The following SNTG2 variants were observed in gnomAD, a reference collection of about 807,000 sequenced individuals.
SNTG2 encodes gamma-2-syntrophin.
A neutral mutation model predicts 70.9 loss-of-function variants in SNTG2; 74 were observed. The ratio of observed to expected loss-of-function variants is 1.04; its 90% CI spans 0.86 to 1.27. The LOEUF is 1.27. Ranked by LOEUF, SNTG2 falls within the 50% of genes most tolerant of loss-of-function variation. The probability of loss-of-function intolerance (pLI) is 0.00; values close to 1 mark genes in which losing one functional copy is unlikely to be tolerated. For synonymous variants in SNTG2, 278 were observed against 273.8 expected (o/e 1.02, Z -0.15); for missense variants, 717 against 690.7 (o/e 1.04, Z -0.43).
At chr2:1,028,148 C>T (rs947148376) in intron 1 of SNTG2, among the ~76,000 whole-genome samples, 6 of 150,984 alleles carry the variant, frequency 4.0e-5, no homozygotes, top group African/African-American at 9.8e-5. Context: ...GCAGGTGCAT[C>T]ACTGAAGGTG....
intron 4 of SNTG2, among the ~76,000 whole-genome samples, chr2:1,123,211 A>G (rs184887330): frequency 6.6e-6 from 1 of 152,326 alleles, no homozygotes; most frequent in African/African-American, 2.4e-5. Flanking sequence ...AAACAGAAAA[A>G]ACAATTCAAA....
intron 9 of SNTG2, among the ~76,000 whole-genome samples, chr2:1,235,764 T>A (rs58554697): frequency 0.22 from 33,371 of 152,002 alleles, 5,810 homozygotes; most frequent in African/African-American, 0.48. Context: ...CCCCAGGCCT[T>A]TGGAGAAGAA....
intron 14 of SNTG2, among the ~76,000 whole-genome samples, chr2:1,294,840 C>T (rs1680134843): frequency 6.6e-6 from 1 of 152,202 alleles, no homozygotes; most frequent in African/African-American, 2.4e-5. Flanking sequence ...TTATAAATAA[C>T]ACAGTGTCTG....
At chr2:1,295,572 G>A (rs1238873624) in intron 14 of SNTG2, among the ~76,000 whole-genome samples, 7 of 152,348 alleles carry the variant, frequency 4.6e-5, no homozygotes, top group African/African-American at 1.7e-4. Context: ...AGTCTCCAAT[G>A]TTTGGGTGGG....
At chr2:1,159,113 TTC>T (rs66470757) in intron 6 of SNTG2, among the ~76,000 whole-genome samples, 93,506 of 133,840 alleles carry the variant, frequency 0.7, 31,856 homozygotes, top group Non-Finnish European at 0.81. Context: ...TACCTGTGTG[TTC>T]GTGTGTGTGT....
chr2:1,143,885 A>AC (rs72370046), intron 6 of SNTG2, among the ~76,000 whole-genome samples: 26,164 of 140,528 alleles, frequency 0.19, 2,442 homozygotes, highest in Non-Finnish European at 0.21. Context: ...ACAACAAACA[A>AC]CCCCCCCCCA....
At chr2:1,045,541 A>C (rs889586672) in intron 1 of SNTG2, among the ~76,000 whole-genome samples, 1 of 151,898 alleles carries the variant, frequency 6.6e-6, no homozygotes, top group Non-Finnish European at 1.5e-5. Flanking sequence ...TCCTCTTCAC[A>C]CTGCTTTAGC....
chr2:966,830 T>C (rs1164980630), intron 1 of SNTG2, among the ~76,000 whole-genome samples: 2 of 151,842 alleles, frequency 1.3e-5, no homozygotes, highest in Non-Finnish European at 2.9e-5. Flanking sequence ...GCCTGTAATC[T>C]CAGCTACTCA....
In SNTG2 at chr2:1,093,128, G is replaced by A. The variant is rs374340841; in HGVS notation, c.211-5068G>A. Among the ~76,000 whole-genome samples, 20 of 152,272 alleles carry A rather than the reference G, an allele frequency of 1.3e-4. No homozygotes were observed. The East Asian group carries it at 3.7e-3, about 28-fold the overall frequency. ...GAGGAGGCCGTGATTATGGGGGAAC[G>A]CATGGAATAGGGGAGTCAGGCCATA... On this transcript the variant is annotated intron_variant, in intron 2 of 16. Transcript: ENST00000308624.
chr2:1,360,422 C>T (rs1661073877), intron 16 of SNTG2, among the ~76,000 whole-genome samples: 2 of 152,168 alleles, frequency 1.3e-5, no homozygotes, highest in African/African-American at 4.8e-5. Context: ...AGAGCTCTCT[C>T]TGGGGTGTGT....
chr2:1,181,663 A>G (rs751244706), intron 8 of SNTG2, among the ~76,000 whole-genome samples: 7 of 151,956 alleles, frequency 4.6e-5, no homozygotes, highest in Admixed American at 3.9e-4. Flanking sequence ...TACCTTATAT[A>G]TTTGACAGTT....
intron 1 of SNTG2, among the ~76,000 whole-genome samples, chr2:1,058,263 T>C (rs1007803862): frequency 6.6e-6 from 1 of 152,148 alleles, no homozygotes; most frequent in Non-Finnish European, 1.5e-5. Context: ...ATGAGGGTAG[T>C]GTCTCTGTCT....
At chr2:1,258,703 C>A (rs1250500990) in intron 12 of SNTG2, among the ~76,000 whole-genome samples, 3 of 152,136 alleles carry the variant, frequency 2.0e-5, no homozygotes, top group Non-Finnish European at 4.4e-5. Context: ...TTAGATTTTT[C>A]TGCATGAAAT....
chr2:965,345 C>T (rs1214694318), intron 1 of SNTG2, among the ~76,000 whole-genome samples: 2 of 122,114 alleles, frequency 1.6e-5, no homozygotes, highest in Non-Finnish European at 3.6e-5. Context: ...CCTCCTGGTC[C>T]CCAGTCCTCC....
At chr2:1,319,489 C>T (rs1310754790) in intron 16 of SNTG2, among the ~76,000 whole-genome samples, 2 of 152,216 alleles carry the variant, frequency 1.3e-5, no homozygotes, top group Non-Finnish European at 2.9e-5. Flanking sequence ...ATCTCAGAGC[C>T]GCCCAAGGCC....
In SNTG2 at chr2:1,279,642, C is replaced by T. The variant is rs116065044; in HGVS notation, c.1284+12071C>T. ...TTTCTTTCATTTGCTATATCTGTAC[C>T]GCATCTCTGATGTGCTGCGTGCTTT... On this transcript the variant is annotated intron_variant, in intron 14 of 16. Coordinates refer to ENST00000308624, the MANE Select transcript of SNTG2 (RefSeq NM_018968.4). 9.7e-3 allele frequency among the ~76,000 whole-genome samples: 1,470 copies of T among 152,210 alleles called. 20 individuals carry two copies. The highest frequency in any genetic ancestry group is 0.033 in the African/African-American group (1,382 of 41,524).
chr2:1,098,599 C>CT (rs1359967182), intron 4 of SNTG2, among the ~76,000 whole-genome samples, 189 bp downstream of exon 4: 2 of 152,234 alleles, frequency 1.3e-5, no homozygotes, highest in Non-Finnish European at 2.9e-5. Flanking sequence ...TTTTTAACCT[C>CT]TGCTGATCCC....
intron 6 of SNTG2, among the ~76,000 whole-genome samples, chr2:1,146,981 C>T (rs1669144842): frequency 6.6e-6 from 1 of 152,178 alleles, no homozygotes; most frequent in Admixed American, 6.5e-5. Context: ...AAGAAAATGT[C>T]TTCACTTTAT....
intron 8 of SNTG2, among the ~76,000 whole-genome samples, chr2:1,184,373 C>G (rs1316295812): frequency 6.9e-6 from 1 of 143,986 alleles, no homozygotes; most frequent in Non-Finnish European, 1.5e-5. Flanking sequence ...ACAATAGACT[C>G]AGGCAACTAA....
Sources: allele counts gnomAD v4.1 joint callset (sites outside exome capture counted in the v4.1 genomes callset), GRCh38; gene constraint gnomAD v4.1.1; transcripts MANE v1.5; gene names NCBI Gene and HGNC (gene_info 2026-07-23, HGNC 2026-07-21).